Variants in MACROD1 observed in about 807,000 individuals in gnomAD.
The protein encoded by MACROD1 is mono-ADP ribosylhydrolase 1, also known as ADP-ribose glycohydrolase MACROD1.
MACROD1 carries 31 observed loss-of-function variants against 41.4 expected under a neutral mutation model. The observed-to-expected ratio is 0.75, with a 90% CI of 0.56 to 1.01. The LOEUF is 1.01. Among genes scored for constraint, MACROD1 ranks in the 50% least tolerant of loss-of-function variants. MACROD1 has a pLI of 0.00. For synonymous variants in MACROD1, 252 were observed against 203.4 expected, an observed-to-expected ratio of 1.24 and a Z score of -2.03; for missense variants, 473 against 460.0, an observed-to-expected ratio of 1.03 and a Z score of -0.26.
rs1014052405 is a variant in MACROD1 at position 64,064,686 on chromosome 11, G to T, written c.518-49405C>A. 6.7e-6 allele frequency among the ~76,000 whole-genome samples: 1 copy of T among 149,118 alleles called. No individual in the cohort carries two copies. The highest frequency in any genetic ancestry group is 1.5e-5 in the Non-Finnish European group (1 of 66,822). On this transcript the variant is annotated intron_variant, in intron 3 of 10. Coordinates refer to ENST00000255681, the MANE Select transcript of MACROD1 (RefSeq NM_014067.4). The surrounding 1 kb of genome is among the most constrained non-coding windows in gnomAD (Gnocchi z 4.5). ...GACATTAAACGGCACCGAGATAGAAGGAGGGGGGCCCTCCCTGAGTTCTCC... is the reference window on the plus strand; with the variant it reads ...GACATTAAACGGCACCGAGATAGAATGAGGGGGGCCCTCCCTGAGTTCTCC...
At chr11:64,124,970 G>A (rs571075695) in intron 3 of MACROD1, among the ~76,000 whole-genome samples, 1 of 152,286 alleles carries the variant, frequency 6.6e-6, no homozygotes, top group African/African-American at 2.4e-5. Flanking sequence ...ATGAGCCACC[G>A]TGCCCGGCCA....
intron 4 of MACROD1, among the ~76,000 whole-genome samples, chr11:64,010,186 C>A: frequency 7.4e-6 from 1 of 134,840 alleles, no homozygotes; most frequent in Non-Finnish European, 1.6e-5. Context: ...GGTGTGTTGG[C>A]TGGGGTGTTG....
chr11:64,053,954 C>G (rs1464081832), intron 3 of MACROD1, among the ~76,000 whole-genome samples: 1 of 152,172 alleles, frequency 6.6e-6, no homozygotes. Flanking sequence ...TGGCACGGAG[C>G]TGTTCCTGCG....
intron 3 of MACROD1, among the ~76,000 whole-genome samples, chr11:64,105,456 G>A (rs1944744579): frequency 6.6e-6 from 1 of 152,206 alleles, no homozygotes; most frequent in Admixed American, 6.5e-5. Flanking sequence ...ATGTGACCTT[G>A]GACAGGTCTG....
chr11:64,088,121 G>A (rs1944426529), intron 3 of MACROD1, among the ~76,000 whole-genome samples: 1 of 152,194 alleles, frequency 6.6e-6, no homozygotes, highest in Non-Finnish European at 1.5e-5. Flanking sequence ...GGCCCCAGGA[G>A]TTCTGTTACT....
At position 64,090,273 on chromosome 11, in the gene MACROD1, C is replaced by T. The variant is rs1010539618; in HGVS notation, c.517+60966G>A. Among the ~76,000 whole-genome samples, 2 of 152,210 alleles carry T rather than the reference C, an allele frequency of 1.3e-5. No homozygotes were observed. The highest frequency in any genetic ancestry group is 2.9e-5 in the Non-Finnish European group (2 of 68,042). Reference sequence around the variant, plus strand: ...AGCCTTTGCTCATCCTCGGGAAATGCATCGTGCGTTGCTTTTCCCGTCTGG... The same window carrying T: ...AGCCTTTGCTCATCCTCGGGAAATGTATCGTGCGTTGCTTTTCCCGTCTGG... On this transcript the variant is annotated intron_variant, in intron 3 of 10. Coordinates refer to ENST00000255681, the MANE Select transcript of MACROD1 (RefSeq NM_014067.4). This position sits in a 1 kb window ranked among gnomAD's most constrained non-coding sequence, Gnocchi z 4.7.
intron 3 of MACROD1, among the ~76,000 whole-genome samples, chr11:64,040,164 T>C (rs1046745056): frequency 6.6e-6 from 1 of 152,136 alleles, no homozygotes; most frequent in African/African-American, 2.4e-5. Context: ...CAGTCAGATG[T>C]GGTGTCAGAC....
intron 3 of MACROD1, among the ~76,000 whole-genome samples, chr11:64,094,945 G>A (rs1590899681): frequency 6.6e-6 from 1 of 152,230 alleles, no homozygotes; most frequent in Non-Finnish European, 1.5e-5. Context: ...TCCCAGCCCC[G>A]TGTGCTCCAG....
chr11:64,085,218 G>T (rs530016744), intron 3 of MACROD1, among the ~76,000 whole-genome samples: 28 of 152,292 alleles, frequency 1.8e-4, no homozygotes, highest in Non-Finnish European at 2.8e-4. Context: ...GAGCTGGAAG[G>T]CTTAGCGGGG....
Position 64,164,172 on chromosome 11 carries a change from CAT to C in MACROD1, c.298+1523_298+1524del, listed in dbSNP as rs780335463. On this transcript the variant is annotated intron_variant, in intron 1 of 10. Transcript: ENST00000255681. ...GGGCAGGGCCCTTGCCTATCTGACACATGTCTGAGTCCCCAGCCTGACCACCT... is the reference window on the plus strand; with the variant it reads ...GGGCAGGGCCCTTGCCTATCTGACACGTCTGAGTCCCCAGCCTGACCACCT... Among the ~76,000 whole-genome samples the C allele has an allele frequency of 1.6e-4, 24 of 152,368 alleles. No homozygotes were observed. The East Asian group carries it at 3.5e-3, about 22-fold the overall frequency.
intron 3 of MACROD1, among the ~76,000 whole-genome samples, chr11:64,088,534 C>T (rs2134514333): frequency 6.6e-6 from 1 of 152,340 alleles, no homozygotes; most frequent in African/African-American, 2.4e-5. Context: ...ACTCTCCTCT[C>T]ACCTGCAGGT....
intron 3 of MACROD1, among the ~76,000 whole-genome samples, chr11:64,111,432 C>G: frequency 6.6e-6 from 1 of 152,228 alleles, no homozygotes; most frequent in East Asian, 1.9e-4. Context: ...TAGCATTGCC[C>G]TGTGCTACCT....
At chr11:64,161,428 T>C (rs1230025511) in intron 1 of MACROD1, among the ~76,000 whole-genome samples, 1 of 152,242 alleles carries the variant, frequency 6.6e-6, no homozygotes, top group African/African-American at 2.4e-5. Flanking sequence ...CTCTACCTTT[T>C]GACCCAAGTA....
intron 3 of MACROD1, among the ~76,000 whole-genome samples, chr11:64,128,319 T>C (rs771837887): frequency 2.2e-4 from 34 of 152,172 alleles, no homozygotes; most frequent in Non-Finnish European, 3.5e-4. Context: ...CGAGGGCTCT[T>C]TCTGGAACAC....
At chr11:64,066,524 C>T (rs946264700) in intron 3 of MACROD1, among the ~76,000 whole-genome samples, 1 of 150,954 alleles carries the variant, frequency 6.6e-6, no homozygotes, top group African/African-American at 2.4e-5. Context: ...GAGGCTGAGG[C>T]AGGAGGATCA....
chr11:64,001,793 A>G (rs2134320141), intron 4 of MACROD1: 1 of 701,234 alleles, frequency 1.4e-6, no homozygotes. Flanking sequence ...TCCAGGCTGG[A>G]GCTCCCAGTG....
At chr11:64,158,695 T>A (rs865794157) in intron 1 of MACROD1, among the ~76,000 whole-genome samples, 1 of 149,448 alleles carries the variant, frequency 6.7e-6, no homozygotes, top group African/African-American at 2.4e-5. Flanking sequence ...GGCTCACAGC[T>A]CTGCCTGCCA....
At chr11:64,117,034 T>G in intron 3 of MACROD1, 1 of 1,610,626 alleles carries the variant, frequency 6.2e-7, no homozygotes, top group South Asian at 1.1e-5. Flanking sequence ...CTCTCGCTGG[T>G]GCGCAATTCG....
At chr11:64,140,965 C>T (rs887699356) in intron 3 of MACROD1, among the ~76,000 whole-genome samples, 9 of 152,114 alleles carry the variant, frequency 5.9e-5, no homozygotes, top group African/African-American at 2.2e-4. Context: ...TGTAAATCCA[C>T]TTCTACCAAA....
Sources: gnomAD v4.1 joint callset for allele counts (sites outside exome capture counted in the v4.1 genomes callset) on GRCh38, gnomAD v4.1.1 for gene constraint, Gnocchi (gnomAD v3.1) non-coding constraint, MANE v1.5 for transcripts, NCBI Gene and HGNC (gene_info 2026-07-23, HGNC 2026-07-21) for gene names.